The following SMG5 variants were observed in gnomAD, a reference collection of about 807,000 sequenced individuals.
SMG5 encodes nonsense-mediated mRNA decay factor SMG5.
In SMG5, 53 loss-of-function variants were observed where a neutral mutation model predicts 122.9. The ratio of observed to expected loss-of-function variants is 0.43; its 90% CI spans 0.35 to 0.54. The LOEUF is 0.54. SMG5 is among the 20% of genes least tolerant of loss of function. The pLI is 0.01. For missense variants in SMG5, 1,153 were observed against 1,285.6 expected, an observed-to-expected ratio of 0.90 and a Z score of 1.58; for synonymous variants, 477 against 490.2, an observed-to-expected ratio of 0.97 and a Z score of 0.35.
At chr1:156,265,686 G>C (rs1662091926) in intron 12 of SMG5, 95 bp downstream of exon 12, 6 of 1,524,350 alleles carry the variant, frequency 3.9e-6, no homozygotes, top group East Asian at 2.3e-5. Context: ...GTAGAGACGA[G>C]AGGTCATTCA....
rs780921753 is a variant in SMG5 at position 156,251,444 on chromosome 1, GCT to G, written c.2785_2786del (p.Ser929LeufsTer2). ...YIRCQKEVGK[S>X]FERHKLKRQD... ...GCCTCTTCAGCTTATGCCGCTCAAA[GCT>G]CTTTCCCACCTCTTTCTGGCAGCGA... On this transcript the variant is annotated frameshift_variant, in exon 20 of 22. Transcript: ENST00000361813. LOFTEE classifies it high-confidence loss of function. The G allele has an allele frequency of 6.2e-7, 1 of 1,614,192 alleles. No homozygotes were observed. Among genetic ancestry groups the G allele is most frequent in the Non-Finnish European group, 8.5e-7 (1 of 1,180,046 alleles).
chr1:156,285,955 G>A, upstream of SMG5: 2 of 1,610,134 alleles, frequency 1.2e-6, no homozygotes, highest in Non-Finnish European at 1.7e-6. Context: ...TGCGCTGCGG[G>A]GTCTTTGCCA....
intron 16 of SMG5, among the ~76,000 whole-genome samples, chr1:156,255,178 TTGG>T (rs1661524047): frequency 6.6e-6 from 1 of 150,470 alleles, no homozygotes; most frequent in Non-Finnish European, 1.5e-5. Context: ...TCCCAGCATT[TTGG>T]GAGACCGAGG....
chr1:156,254,365 A>C (rs143911188), intron 16 of SMG5, among the ~76,000 whole-genome samples: 128 of 152,292 alleles, frequency 8.4e-4, no homozygotes, highest in African/African-American at 3.0e-3. Context: ...CAAATTCCTT[A>C]GTATGGTCTA....
intron 12 of SMG5, among the ~76,000 whole-genome samples, chr1:156,264,267 C>CAA (rs1205363773): frequency 0.47 from 25,252 of 53,952 alleles, 8,684 homozygotes; most frequent in South Asian, 0.59. Flanking sequence ...GACTCCGTCT[C>CAA]AAAAAAAAAA....
intron 16 of SMG5, among the ~76,000 whole-genome samples, chr1:156,258,508 C>A (rs1465270694): frequency 6.6e-6 from 1 of 152,182 alleles, no homozygotes; most frequent in African/African-American, 2.4e-5. Flanking sequence ...TGCTCAAAGC[C>A]CCTTTCAGGC....
chr1:156,265,972 G>C lies in SMG5; in HGVS notation c.1664C>G (p.Pro555Arg). Residue 555 changes from proline (P) to arginine (R), a missense_variant, in exon 12 of 22, where the codon CCA becomes CGA. By Grantham distance (103) the Pro-to-Arg change is moderately radical (BLOSUM62 -2). Around this residue, in one of 5 missense-constraint regions of SMG5, gnomAD observed 631 missense variants for 650.6 expected, o/e 0.97. Transcript: ENST00000361813. ...RSEAPDSLNG[P>R]LGPSEASIAS... Reference sequence around the variant, plus strand: ...AATGCTAGCCTCACTGGGGCCCAGTGGGCCATTGAGGGAATCGGGAGCCTC... The same window carrying C: ...AATGCTAGCCTCACTGGGGCCCAGTCGGCCATTGAGGGAATCGGGAGCCTC... 1.2e-6 allele frequency: 2 copies of C among 1,614,212 alleles called. No homozygotes were observed. The highest frequency in any genetic ancestry group is 1.7e-6 in the Non-Finnish European group (2 of 1,180,042).
At chr1:156,253,945 G>A (rs1661467378) in intron 16 of SMG5, among the ~76,000 whole-genome samples, 1 of 152,102 alleles carries the variant, frequency 6.6e-6, no homozygotes, top group East Asian at 1.9e-4. Flanking sequence ...CTGAGCTCCA[G>A]ACCCACACAT....
intron 13 of SMG5, among the ~76,000 whole-genome samples, chr1:156,262,393 AT>A (rs1661890265): frequency 6.8e-6 from 1 of 147,072 alleles, no homozygotes; most frequent in African/African-American, 2.5e-5. Flanking sequence ...GGAGAATGGT[AT>A]GAACCTAGGA....
intron 15 of SMG5, 61 bp from the exon 16 acceptor site, chr1:156,259,224 T>C: frequency 6.9e-7 from 1 of 1,451,564 alleles, no homozygotes; most frequent in East Asian, 2.6e-5. Context: ...CACCCTGCCC[T>C]CCAGGACCCT....
upstream of SMG5, chr1:156,285,938 T>C (rs771972263): frequency 1.2e-6 from 2 of 1,613,326 alleles, no homozygotes; most frequent in South Asian, 1.1e-5. Flanking sequence ...CCGCCTGATC[T>C]ACACACTGCG....
intron 5 of SMG5, among the ~76,000 whole-genome samples, chr1:156,273,701 TTTTTTTGTTTTGTTTTC>T (rs1662544170): frequency 1.3e-5 from 2 of 150,102 alleles, no homozygotes; most frequent in Admixed American, 1.4e-4. Flanking sequence ...TAAGCTCTTC[TTTTTTTGTTTTGTTTTC>T]TTTTTTTTTT....
chr1:156,279,805 T>G (rs1307688437), intron 1 of SMG5, among the ~76,000 whole-genome samples: 1 of 152,182 alleles, frequency 6.6e-6, no homozygotes, highest in Non-Finnish European at 1.5e-5. Flanking sequence ...AGCAAGATTC[T>G]GATAAGCCTA....
rs796515816 is a variant in SMG5, at chr1:156,267,561, C to G, written c.1026G>C (p.Glu342Asp). ...GGAGGAAAGCATATCCACTCTCATA[C>G]TCCTCCTCATCCTCACTGGCCAGGC... Reference protein sequence around the residue: ...NLSLASEDEEEYESGYAFLPD... With the variant: ...NLSLASEDEEDYESGYAFLPD... Residue 342 changes from glutamate to aspartate, a missense_variant, in exon 10 of 22, where the codon GAG (glutamate) becomes GAC (aspartate). Around this residue, in one of 5 missense-constraint regions of SMG5, gnomAD observed 631 missense variants for 650.6 expected, o/e 0.97. Transcript: ENST00000361813. The G allele has an allele frequency of 3.7e-6, 6 of 1,614,126 alleles. No homozygotes were observed. In the African/African-American group the frequency reaches 8.0e-5, roughly 22 times the overall value.
chr1:156,274,580 A>C lies in SMG5; in HGVS notation c.544+17T>G, dbSNP rs1226821790. ...CTGTAACCCAAAACAGAGAAAATGA[A>C]AGGTGCAAATTCTTACACAAATCCC... On this transcript the variant is annotated intron_variant, in intron 5 of 21. Transcript: ENST00000361813. 6.2e-7 allele frequency: 1 copy of C among 1,611,766 alleles called. No homozygotes were observed. The highest frequency in any genetic ancestry group is 1.3e-5 in the African/African-American group (1 of 74,902).
At chr1:156,265,722 G>T (rs1662093745) in intron 12 of SMG5, 59 bp downstream of exon 12, 9 of 1,566,236 alleles carry the variant, frequency 5.7e-6, no homozygotes, top group East Asian at 2.2e-5. Flanking sequence ...GGCCTCTCTG[G>T]TGAGTGTCTA....
chr1:156,285,277 C>T (rs1370991241), upstream of SMG5: 1 of 1,568,200 alleles, frequency 6.4e-7, no homozygotes, highest in East Asian at 2.2e-5. Flanking sequence ...GGTCTGATTC[C>T]CCAGAGAAGA....
At chr1:156,263,672 G>A in intron 12 of SMG5, 102 bp from the exon 13 acceptor site, 1 of 1,321,174 alleles carries the variant, frequency 7.6e-7, no homozygotes, top group Non-Finnish European at 1.0e-6. Flanking sequence ...ACCTGGCCTG[G>A]GCCCTTCCAA....
intron 7 of SMG5, among the ~76,000 whole-genome samples, chr1:156,271,368 A>G (rs757454107): frequency 1.7e-4 from 26 of 152,246 alleles, no homozygotes; most frequent in Non-Finnish European, 3.1e-4. Context: ...TCTGAGAATG[A>G]TTTTGGCTTC....
Sources: gnomAD v4.1 joint callset for allele counts (sites outside exome capture counted in the v4.1 genomes callset) on GRCh38, gnomAD v4.1.1 for gene constraint, gnomAD v4.1.1 regional missense constraint, MANE v1.5 for transcripts, NCBI Gene and HGNC (gene_info 2026-07-23, HGNC 2026-07-21) for gene names.